CRB1: variants seen among roughly 807,000 people sequenced by gnomAD.
CRB1 encodes the protein protein crumbs homolog 1.
Under a neutral mutation model 120.0 loss-of-function variants are expected in CRB1, and 83 were observed. The observed-to-expected ratio is 0.69, with a 90% CI of 0.58 to 0.83. The LOEUF is 0.83. Among genes scored for constraint, CRB1 ranks in the 40% least tolerant of loss-of-function variants. CRB1 has a pLI of 0.00. For synonymous variants in CRB1, 625 were observed against 612.5 expected (o/e 1.02, Z -0.30); for missense variants, 1,699 against 1,687.6 (o/e 1.01, Z -0.12).
At chr1:197,252,970 C>G in the CRB1 span, among the ~76,000 whole-genome samples, 114 of 151,994 alleles carry the variant, frequency 7.5e-4, 2 homozygotes, top group East Asian at 0.022. Flanking sequence ...AATGCTAATC[C>G]CTCTGGAAAC....
intron 1 of CRB1, among the ~76,000 whole-genome samples, chr1:197,326,994 A>G (rs544355205): frequency 4.0e-5 from 6 of 150,166 alleles, no homozygotes; most frequent in Non-Finnish European, 8.9e-5. Flanking sequence ...ACTCAAAACT[A>G]TTTCTCAACA....
chr1:197,274,655 A>G (rs879735421), intron 1 of CRB1, among the ~76,000 whole-genome samples: 44 of 152,298 alleles, frequency 2.9e-4, no homozygotes, highest in Non-Finnish European at 4.3e-4. Context: ...TGTCTTTTAT[A>G]GGATGCTATA....
intron 1 of CRB1, among the ~76,000 whole-genome samples, chr1:197,283,772 C>G (rs937260606): frequency 6.6e-6 from 1 of 150,572 alleles, no homozygotes; most frequent in South Asian, 2.1e-4. Context: ...GTAAGTAGGC[C>G]AAAAATCTTC....
At chr1:197,255,965 T>TCA in the CRB1 span, among the ~76,000 whole-genome samples, 19 of 85,340 alleles carry the variant, frequency 2.2e-4, no homozygotes, top group Admixed American at 1.1e-3. Context: ...ATAGAACATT[T>TCA]TATATATATA....
intron 5 of CRB1, among the ~76,000 whole-genome samples, chr1:197,405,192 TA>T: frequency 6.6e-6 from 1 of 152,036 alleles, no homozygotes; most frequent in South Asian, 2.1e-4. Flanking sequence ...TCTCCTGCCT[TA>T]GCCTGCCGAG....
At chr1:197,287,244 G>A (rs1037296679) in intron 1 of CRB1, among the ~76,000 whole-genome samples, 1 of 151,792 alleles carries the variant, frequency 6.6e-6, no homozygotes. Flanking sequence ...ACCAAAAGTG[G>A]TTCTGGCCCT....
chr1:197,298,055 A>T (rs775144793), intron 1 of CRB1, among the ~76,000 whole-genome samples: 3 of 152,068 alleles, frequency 2.0e-5, no homozygotes, highest in Non-Finnish European at 2.9e-5. Flanking sequence ...AGGGGAAGGC[A>T]GATACTACAG....
chr1:197,234,145 G>C, the CRB1 span, among the ~76,000 whole-genome samples: 1 of 152,168 alleles, frequency 6.6e-6, no homozygotes, highest in Non-Finnish European at 1.5e-5. Flanking sequence ...TTTATTACTT[G>C]TTGTAGTGGT....
intron 5 of CRB1, among the ~76,000 whole-genome samples, chr1:197,363,416 C>T (rs1254343382): frequency 2.0e-5 from 3 of 151,828 alleles, no homozygotes; most frequent in Admixed American, 2.0e-4. Flanking sequence ...TTTGGTTTTC[C>T]TTTGAGAATG....
intron 11 of CRB1, among the ~76,000 whole-genome samples, chr1:197,472,557 T>C (rs1667027831): frequency 3.3e-5 from 5 of 152,214 alleles, no homozygotes; most frequent in Admixed American, 3.3e-4. Flanking sequence ...TTCTGATATG[T>C]TTATTGTTTT....
chr1:197,337,952 A>T (rs992865312), intron 2 of CRB1, among the ~76,000 whole-genome samples: 1 of 152,044 alleles, frequency 6.6e-6, no homozygotes, highest in Non-Finnish European at 1.5e-5. Flanking sequence ...AAACATAAGA[A>T]AGTAATTTGC....
rs749699128 is a variant in CRB1 at position 197,421,375 on chromosome 1, C to G, written c.1547C>G (p.Thr516Ser). 1.2e-6 allele frequency: 2 copies of G among 1,614,212 alleles called. No individual in the cohort carries two copies. Among genetic ancestry groups the G allele is most frequent in the South Asian group, 2.2e-5 (2 of 91,086 alleles). ...TGTAACATAGCCCTCAGGTTTCAGA[C>G]TGTTCAGCCAATGGCTCTTCTACTT... The part of the protein sequence containing the change: ...SVCNIALRFQ[T>S]VQPMALLLFR... Residue 516 changes from threonine to serine, a missense_variant, in exon 6 of 12, where the codon ACT (threonine) becomes AGT (serine). Transcript: ENST00000367400.
chr1:197,309,972 C>T (rs1337657882), intron 1 of CRB1, among the ~76,000 whole-genome samples: 2 of 152,030 alleles, frequency 1.3e-5, no homozygotes, highest in Non-Finnish European at 2.9e-5. Context: ...TGAAAAATAT[C>T]TACGTTTGCA....
chr1:197,315,335 A>T (rs1317791071), intron 1 of CRB1, among the ~76,000 whole-genome samples: 2 of 152,240 alleles, frequency 1.3e-5, no homozygotes, highest in African/African-American at 4.8e-5. Context: ...TATTTTACAC[A>T]TATGAACTAT....
At chr1:197,383,958 A>G (rs1662084890) in intron 5 of CRB1, among the ~76,000 whole-genome samples, 2 of 152,212 alleles carry the variant, frequency 1.3e-5, no homozygotes, top group South Asian at 4.1e-4. Flanking sequence ...GAGCTTTTTA[A>G]TAGACTCAAA....
chr1:197,332,065 G>A (rs1305635213), intron 2 of CRB1, among the ~76,000 whole-genome samples: 1 of 152,030 alleles, frequency 6.6e-6, no homozygotes, highest in Admixed American at 6.6e-5. Context: ...GCTTGAATTG[G>A]GGAGGCAGAG....
chr1:197,291,267 A>G (rs1341166341), intron 1 of CRB1, among the ~76,000 whole-genome samples: 1 of 151,876 alleles, frequency 6.6e-6, no homozygotes, highest in Non-Finnish European at 1.5e-5. Context: ...GTGAGTGGAC[A>G]TGTGTCTTTT....
At chr1:197,457,964 C>A (rs1666359192) in intron 11 of CRB1, among the ~76,000 whole-genome samples, 1 of 152,050 alleles carries the variant, frequency 6.6e-6, no homozygotes, top group Non-Finnish European at 1.5e-5. Flanking sequence ...TTATAATTAT[C>A]CCTTGCTTTT....
chr1:197,352,804 G>T (rs1660182144), intron 4 of CRB1, among the ~76,000 whole-genome samples: 1 of 150,928 alleles, frequency 6.6e-6, no homozygotes, highest in Admixed American at 6.6e-5. Flanking sequence ...AATTTATGTT[G>T]TGGTTATGAT....
Sources: allele counts gnomAD v4.1 joint callset (sites outside exome capture counted in the v4.1 genomes callset), GRCh38; gene constraint gnomAD v4.1.1; transcripts MANE v1.5; gene names NCBI Gene and HGNC (gene_info 2026-07-23, HGNC 2026-07-21).